ZBTB7C: variants seen among roughly 807,000 people sequenced by gnomAD.
ZBTB7C encodes zinc finger and BTB domain-containing protein 7C.
A neutral mutation model predicts 25.7 loss-of-function variants in ZBTB7C; 8 were observed. The observed-to-expected ratio is 0.31, with a 90% CI of 0.18 to 0.56. ZBTB7C has a LOEUF of 0.56. Among genes scored for constraint, ZBTB7C ranks in the 20% least tolerant of loss-of-function variants. ZBTB7C has a pLI of 0.91. For synonymous variants in ZBTB7C, 394 were observed against 369.0 expected, an observed-to-expected ratio of 1.07 and a Z score of -0.78; for missense variants, 824 against 855.2, an observed-to-expected ratio of 0.96 and a Z score of 0.46.
chr18:48,394,481 C>G (rs949966312), intron 1 of ZBTB7C, among the ~76,000 whole-genome samples: 5 of 152,138 alleles, frequency 3.3e-5, no homozygotes, highest in Non-Finnish European at 5.9e-5. Context: ...GCAGTGGGTT[C>G]ATTCATTTTG....
At chr18:48,143,886 T>C (rs540373831) in intron 3 of ZBTB7C, among the ~76,000 whole-genome samples, 72 of 152,302 alleles carry the variant, frequency 4.7e-4, no homozygotes, top group African/African-American at 1.6e-3. Flanking sequence ...CTTGTCTTTG[T>C]ATTTGGTGCT....
chr18:48,411,491 T>A (rs1004466711), upstream of ZBTB7C, among the ~76,000 whole-genome samples: 3 of 152,250 alleles, frequency 2.0e-5, no homozygotes, highest in Admixed American at 2.0e-4. Context: ...TTGCCTGTCT[T>A]GCTTCCCTTC....
At chr18:48,257,989 G>T (rs1177448763) in intron 2 of ZBTB7C, among the ~76,000 whole-genome samples, 2 of 152,108 alleles carry the variant, frequency 1.3e-5, no homozygotes, top group Admixed American at 6.5e-5. Flanking sequence ...AGCTATGATT[G>T]CACCACTGCA....
At position 48,406,174 on chromosome 18, in the gene ZBTB7C, G is replaced by A. The variant is rs530975639; in HGVS notation, c.-304+3052C>T. On this transcript the variant is annotated intron_variant, in intron 1 of 4. Coordinates refer to ENST00000590800, the MANE Select transcript of ZBTB7C (RefSeq NM_001318841.2). ...CCAGCCTCAGCCAGCTGGTCCTTCC[G>A]CGCCCAAGTTCCCACAGCCTGCTAT... Among the ~76,000 whole-genome samples, 155 of 152,156 alleles carry A rather than the reference G, an allele frequency of 1.0e-3. 1 individual carries two copies. The highest frequency in any genetic ancestry group is 1.3e-4 in the Non-Finnish European group (9 of 67,990).
intron 3 of ZBTB7C, among the ~76,000 whole-genome samples, chr18:48,085,699 G>C (rs1350617957): frequency 6.6e-6 from 1 of 152,238 alleles, no homozygotes. Flanking sequence ...TTATCTAATA[G>C]TAAATATCTT....
chr18:48,177,495 A>C (rs1599037523), intron 3 of ZBTB7C, among the ~76,000 whole-genome samples: 1 of 152,186 alleles, frequency 6.6e-6, no homozygotes, highest in East Asian at 1.9e-4. Flanking sequence ...ATTTTGTGAC[A>C]GTGCCATCAT....
chr18:48,293,794 T>C (rs986545260), intron 2 of ZBTB7C, among the ~76,000 whole-genome samples: 9 of 152,034 alleles, frequency 5.9e-5, no homozygotes, highest in South Asian at 2.1e-4. Context: ...GAAAAAAAAA[T>C]ATAAATAAAG....
chr18:48,143,687 C>A (rs1018403348), intron 3 of ZBTB7C, among the ~76,000 whole-genome samples: 1 of 152,144 alleles, frequency 6.6e-6, no homozygotes, highest in East Asian at 1.9e-4. Flanking sequence ...CCAGTTTTAA[C>A]AAAAATGCTG....
At chr18:48,042,358 C>G (rs1169404247) in intron 3 of ZBTB7C, among the ~76,000 whole-genome samples, 1 of 152,214 alleles carries the variant, frequency 6.6e-6, no homozygotes, top group African/African-American at 2.4e-5. Context: ...CTACTTACAG[C>G]AAAGCTTCAA....
chr18:48,108,030 ACG>A (rs2039095902), intron 3 of ZBTB7C, among the ~76,000 whole-genome samples: 3 of 152,212 alleles, frequency 2.0e-5, no homozygotes, highest in Non-Finnish European at 4.4e-5. Flanking sequence ...CTGTCAGGGC[ACG>A]TGAAATTCCA....
intron 2 of ZBTB7C, among the ~76,000 whole-genome samples, chr18:48,283,089 C>A (rs1160779088): frequency 1.3e-5 from 2 of 152,136 alleles, no homozygotes; most frequent in East Asian, 3.8e-4. Flanking sequence ...TTGGGGAATG[C>A]AAATTAGTAA....
At chr18:48,350,923 T>C (rs2046849652) in intron 1 of ZBTB7C, among the ~76,000 whole-genome samples, 1 of 152,052 alleles carries the variant, frequency 6.6e-6, no homozygotes, top group African/African-American at 2.4e-5. Flanking sequence ...TATAGTTGAT[T>C]AATCTAGTCT....
intron 2 of ZBTB7C, among the ~76,000 whole-genome samples, chr18:48,217,784 G>A (rs931165179): frequency 6.6e-6 from 1 of 152,182 alleles, no homozygotes; most frequent in African/African-American, 2.4e-5. Flanking sequence ...AGCCCTGTCT[G>A]GCCTGACTAG....
rs991169509 is a variant in ZBTB7C at position 48,144,171 on chromosome 18, C to T, written c.-17+41763G>A. 1.0e-3 allele frequency among the ~76,000 whole-genome samples: 153 copies of T among 151,964 alleles called. 1 individual carries two copies. Among genetic ancestry groups the T allele is most frequent in the Middle Eastern group, 6.8e-3 (2 of 294 alleles). On this transcript the variant is annotated intron_variant, in intron 3 of 4. Transcript: ENST00000590800. ...GTGCCTGCCTGTAATCCCAGCTACT[C>T]GGGAGGCTGAGGCAGAAGAATCACT...
At chr18:48,110,376 G>GC (rs778505281) in intron 3 of ZBTB7C, among the ~76,000 whole-genome samples, 2 of 152,112 alleles carry the variant, frequency 1.3e-5, no homozygotes, top group Non-Finnish European at 2.9e-5. Context: ...TTCTTCCTGG[G>GC]CACCTCTTAG....
intron 3 of ZBTB7C, among the ~76,000 whole-genome samples, chr18:48,167,598 GCGCGCGTGCA>G (rs1449481251): frequency 6.8e-6 from 1 of 146,256 alleles, no homozygotes; most frequent in Admixed American, 6.8e-5. Context: ...GTGTGTGTGT[GCGCGCGTGCA>G]CACGCGCATG....
intron 3 of ZBTB7C, chr18:48,162,474 A>C (rs1480098429): frequency 2.2e-6 from 1 of 444,658 alleles, no homozygotes; most frequent in East Asian, 7.1e-5. Flanking sequence ...TAGGGACTTC[A>C]TAGACAGTTG....
intron 2 of ZBTB7C, among the ~76,000 whole-genome samples, chr18:48,187,536 G>A (rs959764376): frequency 2.0e-5 from 3 of 152,072 alleles, no homozygotes; most frequent in Non-Finnish European, 2.9e-5. Flanking sequence ...GTAGAAGGCC[G>A]GGCATGGTGG....
At chr18:48,312,612 G>A (rs1413521859) in intron 2 of ZBTB7C, among the ~76,000 whole-genome samples, 1 of 152,190 alleles carries the variant, frequency 6.6e-6, no homozygotes, top group Non-Finnish European at 1.5e-5. Context: ...TGTGCCTCAT[G>A]TGAAGAACAG....
Sources: gnomAD v4.1 joint callset for allele counts (sites outside exome capture counted in the v4.1 genomes callset) on GRCh38, gnomAD v4.1.1 for gene constraint, MANE v1.5 for transcripts, NCBI Gene and HGNC (gene_info 2026-07-23, HGNC 2026-07-21) for gene names.